The following EXO1 variants were observed in gnomAD, a reference collection of about 807,000 sequenced individuals.
EXO1 encodes exonuclease 1.
Under a neutral mutation model 84.5 loss-of-function variants are expected in EXO1, and 69 were observed. The ratio of observed to expected loss-of-function variants is 0.82; its 90% CI spans 0.67 to 1.00. The LOEUF (loss-of-function observed/expected upper bound fraction) is 1.00, where lower values mean the gene tolerates loss of function less well. EXO1 is among the 50% of genes least tolerant of loss of function. EXO1 has a pLI of 0.00. For synonymous variants in EXO1, 373 were observed against 366.1 expected, an observed-to-expected ratio of 1.02 and a Z score of -0.21; for missense variants, 1,045 against 1,000.7, an observed-to-expected ratio of 1.04 and a Z score of -0.60.
intron 4 of EXO1, 40 bp from the exon 5 acceptor site, chr1:241,852,252 A>G (rs2148385229): frequency 6.4e-7 from 1 of 1,573,134 alleles, no homozygotes; most frequent in Non-Finnish European, 8.7e-7. Context: ...TATTACCTTA[A>G]GAAAGGTGAA....
At chr1:241,866,593 T>C (rs145900626) in intron 10 of EXO1, among the ~76,000 whole-genome samples, 1,721 of 146,754 alleles carry the variant, frequency 0.012, 41 homozygotes, top group African/African-American at 0.04. Context: ...AGAAATGAGC[T>C]AACAAAGTTG....
At chr1:241,861,850 G>A (rs1050496875) in intron 10 of EXO1, among the ~76,000 whole-genome samples, 4 of 152,194 alleles carry the variant, frequency 2.6e-5, no homozygotes, top group East Asian at 3.9e-4. Flanking sequence ...GGAATGCTAC[G>A]GGAGTTAAAG....
chr1:241,888,545 C>G (rs2526695), intron 15 of EXO1, among the ~76,000 whole-genome samples: 150,357 of 152,328 alleles, frequency 0.99, 74,239 homozygotes, highest in East Asian at 1. Context: ...GGAAACCGTT[C>G]AAAGGATCTT....
In EXO1 at chr1:241,878,872, A is replaced by G; in HGVS notation, c.1638A>G (p.Glu546=). The change falls in exon 13 of 16, where the codon GAA becomes GAG. Residue 546 remains glutamate, a synonymous_variant. Coordinates refer to ENST00000366548, the MANE Select transcript of EXO1 (RefSeq NM_130398.4). ...ATGAATCAGAGTATGGAGACCAAGA[A>G]GGCAAGAGACTGGTTGACACAGATG... The part of the protein sequence containing the change: ...NLHESEYGDQ[E]GKRLVDTDVA... 1.9e-6 allele frequency: 3 copies of G among 1,614,178 alleles called. No individual in the cohort carries two copies. The highest frequency in any genetic ancestry group is 2.5e-6 in the Non-Finnish European group (3 of 1,180,010).
chr1:241,873,644 AAGAC>A (rs1246445212), intron 12 of EXO1, among the ~76,000 whole-genome samples: 1 of 152,190 alleles, frequency 6.6e-6, no homozygotes, highest in Non-Finnish European at 1.5e-5. Flanking sequence ...AAAAATGAGA[AAGAC>A]AGTTTTTGTT....
chr1:241,872,387 G>A (rs1662165943), intron 12 of EXO1, 109 bp downstream of exon 12: 2 of 1,246,884 alleles, frequency 1.6e-6, no homozygotes, highest in Non-Finnish European at 2.3e-6. Context: ...TAAGTTCTGG[G>A]GTACATGTGC....
rs1198439643 is a variant in EXO1, at chr1:241,866,853, T to A, written c.1065T>A (p.Ser355Arg). 1.2e-6 allele frequency: 2 copies of A among 1,613,568 alleles called. No individual in the cohort carries two copies. Among genetic ancestry groups the A allele is most frequent in the Non-Finnish European group, 1.7e-6 (2 of 1,179,436 alleles). The change falls in exon 11 of 16, where the codon AGT becomes AGA. Residue 355 changes from serine (S) to arginine (R), a missense_variant. Physicochemically the swap from Ser to Arg is moderately radical, Grantham distance 110. Coordinates refer to ENST00000366548, the MANE Select transcript of EXO1 (RefSeq NM_130398.4). ...TAMPAHSRSHSWDDKTCQKSA... is the reference protein window; with the variant it reads ...TAMPAHSRSHRWDDKTCQKSA... Reference sequence around the variant, plus strand: ...AGCCTGCCCATTCAAGAAGTCATAGTTGGGATGACAAAACATGTCAAAAGT... The same window carrying A: ...AGCCTGCCCATTCAAGAAGTCATAGATGGGATGACAAAACATGTCAAAAGT...
At chr1:241,866,610 T>G (rs1190046627) in intron 10 of EXO1, among the ~76,000 whole-genome samples, 1 of 148,854 alleles carries the variant, frequency 6.7e-6, no homozygotes, top group Non-Finnish European at 1.5e-5. Flanking sequence ...GTTGCTTGAC[T>G]CTCATCAGAA....
rs1255858689 is a variant in EXO1 at position 241,872,219 on chromosome 1, A to G, written c.1455A>G (p.Thr485=). The G allele has an allele frequency of 6.2e-7, 1 of 1,614,080 alleles. No individual in the cohort carries two copies. Among genetic ancestry groups the G allele is most frequent in the Non-Finnish European group, 8.5e-7 (1 of 1,179,994 alleles). ...TPPRTRNKFA[T]FLQRKNEESG... ...CTAGGACGAGAAATAAATTTGCAAC[A>G]TTTTTACAAAGGAAAAATGAAGAAA... The change falls in exon 12 of 16, where the codon ACA becomes ACG. Residue 485 remains threonine (T), a synonymous_variant. Transcript: ENST00000366548.
intron 6 of EXO1, among the ~76,000 whole-genome samples, chr1:241,856,858 T>C (rs1019545434): frequency 2.6e-5 from 4 of 152,096 alleles, no homozygotes; most frequent in Non-Finnish European, 5.9e-5. Context: ...TGGCAAAACC[T>C]TGTCTCTACA....
chr1:241,888,942 G>GT (rs1000500670), intron 15 of EXO1, among the ~76,000 whole-genome samples: 9 of 152,134 alleles, frequency 5.9e-5, no homozygotes, highest in African/African-American at 2.2e-4. Flanking sequence ...AGGTGTGGTG[G>GT]TGCACGCCTG....
intron 15 of EXO1, among the ~76,000 whole-genome samples, chr1:241,886,806 C>A (rs1663095869): frequency 6.6e-6 from 1 of 151,534 alleles, no homozygotes. Context: ...CTATATTTTC[C>A]AAATCCCCCC....
intron 10 of EXO1, among the ~76,000 whole-genome samples, chr1:241,864,969 C>T (rs1013058721): frequency 6.6e-5 from 10 of 150,786 alleles, no homozygotes; most frequent in East Asian, 1.9e-4. Context: ...TGGGCTCAAG[C>T]GATCTTCAGT....
chr1:241,872,344 TC>T, intron 12 of EXO1, 66 bp downstream of exon 12: 1 of 1,551,770 alleles, frequency 6.4e-7, no homozygotes, highest in Non-Finnish European at 8.9e-7. Context: ...ATTTATTTTG[TC>T]TTTTTTTAGA....
At chr1:241,861,536 T>C in intron 10 of EXO1, 34 bp downstream of exon 10, 2 of 1,113,202 alleles carry the variant, frequency 1.8e-6, no homozygotes, top group Non-Finnish European at 2.8e-6. Flanking sequence ...TGAAAACACG[T>C]TTTAGTTATG....
At position 241,850,596 on chromosome 1, in the gene EXO1, G is replaced by C; in HGVS notation, c.161+10G>C. 1 of 1,610,808 alleles carries C rather than the reference G, an allele frequency of 6.2e-7. No individual in the cohort carries two copies. The highest frequency in any genetic ancestry group is 8.5e-7 in the Non-Finnish European group (1 of 1,178,092). ...GTGAACCTACTGATAGGTAAGTCTG[G>C]ACCTTATGTTAATTCTTTGACAATT... On this transcript the variant is annotated intron_variant, in intron 4 of 15. Coordinates refer to ENST00000366548, the MANE Select transcript of EXO1 (RefSeq NM_130398.4).
chr1:241,877,897 A>G (rs897714175), intron 12 of EXO1, among the ~76,000 whole-genome samples: 8 of 152,228 alleles, frequency 5.3e-5, no homozygotes, highest in Admixed American at 5.2e-4. Context: ...ATATAATGCT[A>G]GGAACAAAGC....
intron 4 of EXO1, among the ~76,000 whole-genome samples, chr1:241,851,885 T>C (rs754865753): frequency 6.6e-6 from 1 of 152,232 alleles, no homozygotes; most frequent in Non-Finnish European, 1.5e-5. Flanking sequence ...ATTAAATTAC[T>C]TAGCTGTGAT....
intron 8 of EXO1, among the ~76,000 whole-genome samples, chr1:241,859,105 T>G (rs919578449): frequency 6.6e-6 from 1 of 152,256 alleles, no homozygotes; most frequent in African/African-American, 2.4e-5. Context: ...TTTTTGTTTA[T>G]GTAGGCGATA....
Sources: gnomAD v4.1 joint callset for allele counts (sites outside exome capture counted in the v4.1 genomes callset) on GRCh38, gnomAD v4.1.1 for gene constraint, MANE v1.5 for transcripts, NCBI Gene and HGNC (gene_info 2026-07-23, HGNC 2026-07-21) for gene names.